Variants in AXIN1 observed in about 807,000 individuals in gnomAD.
The protein encoded by AXIN1 is axin-1.
Under a neutral mutation model 76.4 loss-of-function variants are expected in AXIN1, and 30 were observed. The ratio of observed to expected loss-of-function variants is 0.39; its 90% CI spans 0.29 to 0.53. The LOEUF is 0.53. Ranked by LOEUF, AXIN1 falls within the 20% of genes least tolerant of loss-of-function variation. The pLI, the probability that AXIN1 is intolerant of heterozygous loss-of-function variation, is 0.66. For synonymous variants in AXIN1, 545 were observed against 501.4 expected (o/e 1.09, Z -1.16); for missense variants, 1,140 against 1,198.8 (o/e 0.95, Z 0.72).
chr16:317,337 G>T (rs994453110), intron 2 of AXIN1, among the ~76,000 whole-genome samples: 1 of 152,152 alleles, frequency 6.6e-6, no homozygotes, highest in Non-Finnish European at 1.5e-5. Context: ...GGAGGGTATC[G>T]CATGGGGCCA....
In AXIN1 at chr16:339,102, G is replaced by A. The variant is rs142363492; in HGVS notation, c.878+7046C>T. Among the ~76,000 whole-genome samples the A allele has an allele frequency of 8.5e-3, 1,280 of 151,118 alleles. 46 individuals are homozygous for A. Among genetic ancestry groups the A allele is most frequent in the Admixed American group, 0.072 (1,087 of 15,098 alleles). On this transcript the variant is annotated intron_variant, in intron 2 of 10. Coordinates refer to ENST00000262320, the MANE Select transcript of AXIN1 (RefSeq NM_003502.4). Reference sequence around the variant, plus strand: ...CAAAAAAAATTTCCCTTTGGGCAGGGTGTGGTGGTTCACACCTGCAACCCC... The same window carrying A: ...CAAAAAAAATTTCCCTTTGGGCAGGATGTGGTGGTTCACACCTGCAACCCC...
rs111791381 is a variant in AXIN1 at position 287,875 on chromosome 16, T to C, written c.*247A>G. ...GCAGCAGGGACCTCGGCTGCCTCAC[T>C]TGGGCTGGGCCCTCCAAGTATTGCT... On this transcript the variant is annotated 3_prime_UTR_variant, in exon 11 of 11. Coordinates refer to ENST00000262320, the MANE Select transcript of AXIN1 (RefSeq NM_003502.4). The C allele has an allele frequency of 8.6e-5, 52 of 606,160 alleles. No individual in the cohort carries two copies. The East Asian group carries it at 1.5e-3, about 17-fold the overall frequency. 37.5% of individuals were successfully genotyped at this position (606,160 alleles called of 1,614,324 possible).
At chr16:304,584 G>C in intron 4 of AXIN1, 143 bp from the exon 5 acceptor site, 1 of 1,316,060 alleles carries the variant, frequency 7.6e-7, no homozygotes. Flanking sequence ...ACCCAGGCTG[G>C]AGTGCAATGG....
rs894828532 is a variant in AXIN1, at chr16:346,989, C to G, written c.37G>C (p.Gly13Arg). The G allele has an allele frequency of 6.2e-7, 1 of 1,614,100 alleles. No individual in the cohort carries two copies. The highest frequency in any genetic ancestry group is 1.3e-5 in the African/African-American group (1 of 74,938). The change falls in exon 2 of 11, where the codon GGA becomes CGA. Residue 13 changes from glycine (G) to arginine (R), a missense_variant. Coordinates refer to ENST00000262320, the MANE Select transcript of AXIN1 (RefSeq NM_003502.4). ...IQEQGFPLDL[G>R]ASFTEDAPRP... is the part of the protein sequence containing the mutation. ...GGAGCATCTTCGGTGAAACTTGCTC[C>G]GAGGTCCAAGGGGAAACCCTGCTCT...
chr16:315,832 G>GAAAAAAA (rs922939817), intron 2 of AXIN1, among the ~76,000 whole-genome samples: 1 of 72,664 alleles, frequency 1.4e-5, no homozygotes, highest in African/African-American at 4.9e-5. Context: ...TGTCTCAAAA[G>GAAAAAAA]AAAAAAAAAA....
At position 287,656 on chromosome 16, in the gene AXIN1, G is replaced by C. The variant is rs549561878; in HGVS notation, c.*466C>G. ...CAGTGCTCCGTCGCCGATTCACACA[G>C]TGGCAGGCAAGAGACAAGCTGTGTT... is the stretch of plus-strand genomic sequence containing the variant. On this transcript the variant is annotated 3_prime_UTR_variant, in exon 11 of 11. Coordinates refer to ENST00000262320, the MANE Select transcript of AXIN1 (RefSeq NM_003502.4). The C allele has an allele frequency of 2.6e-4, 83 of 320,908 alleles. No individual in the cohort carries two copies. The highest frequency in any genetic ancestry group is 1.7e-3 in the African/African-American group (80 of 48,280). 19.9% of individuals were successfully genotyped at this position (320,908 alleles called of 1,614,324 possible).
At chr16:301,972 A>G (rs1041917360) in intron 5 of AXIN1, among the ~76,000 whole-genome samples, 3 of 152,206 alleles carry the variant, frequency 2.0e-5, no homozygotes, top group South Asian at 2.1e-4. Flanking sequence ...GCCTGCGGAC[A>G]TGTCCATATT....
chr16:351,266 G>T (rs970653971), intron 1 of AXIN1, among the ~76,000 whole-genome samples: 1 of 152,042 alleles, frequency 6.6e-6, no homozygotes, highest in Admixed American at 6.6e-5. Context: ...GAGAACAGAA[G>T]TGTGAGCAAA....
chr16:308,391 A>T (rs2053084380), intron 4 of AXIN1, among the ~76,000 whole-genome samples: 1 of 152,180 alleles, frequency 6.6e-6, no homozygotes, highest in Non-Finnish European at 1.5e-5. Context: ...TGTCTGCCTG[A>T]TGCCCCCTCA....
At chr16:345,295 G>C (rs566528841) in intron 2 of AXIN1, among the ~76,000 whole-genome samples, 3 of 152,290 alleles carry the variant, frequency 2.0e-5, no homozygotes, top group East Asian at 3.9e-4. Flanking sequence ...AGGAAAAAAG[G>C]CCCAATCCTG....
At chr16:313,439 T>G (rs181309991) in intron 3 of AXIN1, among the ~76,000 whole-genome samples, 265 of 152,374 alleles carry the variant, frequency 1.7e-3, no homozygotes, top group Non-Finnish European at 2.9e-3. Context: ...CAGGCTTTCC[T>G]CATGGAGAAC....
rs1483108452 is a variant in AXIN1 at position 308,337 on chromosome 16, G to A, written c.1116+1636C>T. On this transcript the variant is annotated intron_variant, in intron 4 of 10. Transcript: ENST00000262320. The stretch of plus-strand genomic sequence containing the variant: ...CCAGGTCCACGTTCCAGGCACCAAC[G>A]CACTCCACAGCTTCTGTCCTTCCTG... Among the ~76,000 whole-genome samples the A allele has an allele frequency of 1.3e-5, 2 of 152,152 alleles. 1 individual carries two copies. Among genetic ancestry groups the A allele is most frequent in the South Asian group, 4.1e-4 (2 of 4,828 alleles).
intron 3 of AXIN1, among the ~76,000 whole-genome samples, chr16:310,573 A>G (rs2053151626): frequency 6.6e-6 from 1 of 151,850 alleles, no homozygotes; most frequent in Admixed American, 6.6e-5. Context: ...ATTTTTTTGT[A>G]TTTTTAGTAG....
At chr16:325,253 C>T (rs1432579901) in intron 2 of AXIN1, among the ~76,000 whole-genome samples, 3 of 152,224 alleles carry the variant, frequency 2.0e-5, no homozygotes, top group African/African-American at 7.2e-5. Context: ...CGAGGTCAGT[C>T]GGCCTTTTCT....
chr16:330,360 G>A (rs1452860335), intron 2 of AXIN1, among the ~76,000 whole-genome samples: 7 of 152,062 alleles, frequency 4.6e-5, no homozygotes, highest in Admixed American at 6.6e-5. Flanking sequence ...CACTGTGCCC[G>A]CTACCAAACG....
rs1038378536 is a variant in AXIN1 at position 341,517 on chromosome 16, G to A, written c.878+4631C>T. Reference sequence around the variant, plus strand: ...CCTTCCTGCAGGGCAGGGCTCGGGAGCTGCAGCCCGCCATGCCTAAGCCCC... The same window carrying A: ...CCTTCCTGCAGGGCAGGGCTCGGGAACTGCAGCCCGCCATGCCTAAGCCCC... On this transcript the variant is annotated intron_variant, in intron 2 of 10. Coordinates refer to ENST00000262320, the MANE Select transcript of AXIN1 (RefSeq NM_003502.4). 9.5e-4 allele frequency among the ~76,000 whole-genome samples: 144 copies of A among 152,368 alleles called. 1 individual carries two copies. The highest frequency in any genetic ancestry group is 3.4e-3 in the Middle Eastern group (1 of 294).
rs764342188 is a variant in AXIN1, at chr16:297,704, T to G, written c.1784+18A>C. Reference sequence around the variant, plus strand: ...GCCTCACCCCAAGCCCCCTCCTCACTGACAGGCGCACGCTCACCTGTGGGC... The same window carrying G: ...GCCTCACCCCAAGCCCCCTCCTCACGGACAGGCGCACGCTCACCTGTGGGC... On this transcript the variant is annotated intron_variant, in intron 6 of 10. Coordinates refer to ENST00000262320, the MANE Select transcript of AXIN1 (RefSeq NM_003502.4). The G allele has an allele frequency of 6.3e-7, 1 of 1,588,840 alleles. No individual in the cohort carries two copies. Among genetic ancestry groups the G allele is most frequent in the East Asian group, 2.2e-5 (1 of 44,528 alleles).
chr16:288,369 C>G, intron 10 of AXIN1, 121 bp from the exon 11 acceptor site: 1 of 1,443,174 alleles, frequency 6.9e-7, no homozygotes, highest in South Asian at 1.2e-5. Context: ...TGCCCCACGG[C>G]CCCCACTGCA....
chr16:343,478 G>A (rs2053969272), intron 2 of AXIN1, among the ~76,000 whole-genome samples: 1 of 151,960 alleles, frequency 6.6e-6, no homozygotes, highest in South Asian at 2.1e-4. Context: ...GAGGCGGGCA[G>A]ATCTCTTGAG....
Sources: gnomAD v4.1 joint callset for allele counts (sites outside exome capture counted in the v4.1 genomes callset) on GRCh38, gnomAD v4.1.1 for gene constraint, MANE v1.5 for transcripts, NCBI Gene and HGNC (gene_info 2026-07-23, HGNC 2026-07-21) for gene names.